BMPER: variants seen among roughly 807,000 people sequenced by gnomAD.
The protein encoded by BMPER is BMP-binding endothelial regulator protein.
A neutral mutation model predicts 87.3 loss-of-function variants in BMPER; 45 were observed. The ratio of observed to expected loss-of-function variants is 0.52; its 90% CI spans 0.41 to 0.66. The LOEUF (loss-of-function observed/expected upper bound fraction) is 0.66, where lower values mean the gene tolerates loss of function less well. BMPER is among the 30% of genes least tolerant of loss of function. The pLI, the probability that BMPER is intolerant of heterozygous loss-of-function variation, is 0.00. For synonymous variants in BMPER, 326 were observed against 316.2 expected, an observed-to-expected ratio of 1.03 and a Z score of -0.33; for missense variants, 784 against 867.5, an observed-to-expected ratio of 0.90 and a Z score of 1.21.
chr7:33,971,517 A>T (rs762349309), intron 5 of BMPER, among the ~76,000 whole-genome samples: 5 of 152,156 alleles, frequency 3.3e-5, no homozygotes, highest in Admixed American at 3.3e-4. Flanking sequence ...TATTTTTTCC[A>T]TTATCCAGTT....
chr7:33,947,001 T>C (rs1158151093), intron 3 of BMPER, among the ~76,000 whole-genome samples: 4 of 152,242 alleles, frequency 2.6e-5, no homozygotes, highest in African/African-American at 9.6e-5. Flanking sequence ...GAAAAGTAAG[T>C]AAATTATAAC....
intron 10 of BMPER, 80 bp from the exon 11 acceptor site, chr7:34,061,921 TA>T: frequency 5.0e-6 from 6 of 1,198,888 alleles, no homozygotes; most frequent in Non-Finnish European, 7.1e-6. Flanking sequence ...TATTAGATTT[TA>T]AAAAGATATT....
At chr7:34,096,667 T>G (rs375896370) in intron 13 of BMPER, among the ~76,000 whole-genome samples, 4 of 152,050 alleles carry the variant, frequency 2.6e-5, no homozygotes, top group African/African-American at 9.7e-5. Flanking sequence ...GGAGCAGTTG[T>G]GTAGCCGAGA....
chr7:34,085,397 G>C (rs767077565), intron 12 of BMPER, among the ~76,000 whole-genome samples: 29 of 151,960 alleles, frequency 1.9e-4, no homozygotes, highest in Non-Finnish European at 4.3e-4. Flanking sequence ...GTAGTCATTA[G>C]ATAAATGAAG....
intron 2 of BMPER, among the ~76,000 whole-genome samples, chr7:33,916,803 T>G (rs1784095854): frequency 6.6e-6 from 1 of 152,280 alleles, no homozygotes; most frequent in Non-Finnish European, 1.5e-5. Flanking sequence ...ACCTTGGGAC[T>G]TGAGTGGGAG....
intron 11 of BMPER, among the ~76,000 whole-genome samples, chr7:34,067,526 T>C (rs543892402): frequency 6.6e-6 from 1 of 152,182 alleles, no homozygotes; most frequent in East Asian, 1.9e-4. Flanking sequence ...CAACTCCAGG[T>C]CCCTTAACAC....
intron 6 of BMPER, among the ~76,000 whole-genome samples, chr7:34,043,257 A>G (rs1230968607): frequency 6.6e-6 from 1 of 152,208 alleles, no homozygotes; most frequent in Non-Finnish European, 1.5e-5. Context: ...AGTTCATTGC[A>G]GGGATCTGGC....
chr7:33,918,175 T>A (rs1406270583), intron 2 of BMPER, among the ~76,000 whole-genome samples: 1 of 152,148 alleles, frequency 6.6e-6, no homozygotes, highest in Non-Finnish European at 1.5e-5. Flanking sequence ...CCCTTTCTCC[T>A]TTTAAAAACC....
chr7:33,913,489 T>A (rs1784010851), intron 2 of BMPER, among the ~76,000 whole-genome samples: 1 of 152,126 alleles, frequency 6.6e-6, no homozygotes, highest in Non-Finnish European at 1.5e-5. Context: ...GCAGCGATGT[T>A]GTGTGGTCAG....
At chr7:33,909,969 C>T (rs1009802431) in intron 2 of BMPER, among the ~76,000 whole-genome samples, 5 of 152,144 alleles carry the variant, frequency 3.3e-5, no homozygotes, top group South Asian at 2.1e-4. Flanking sequence ...TCATCCTCTG[C>T]GTAGACCTGA....
At chr7:33,959,603 G>A (rs1785222419) in intron 3 of BMPER, among the ~76,000 whole-genome samples, 1 of 152,194 alleles carries the variant, frequency 6.6e-6, no homozygotes, top group Non-Finnish European at 1.5e-5. Context: ...TAAGTAGAGA[G>A]CAAATGCAAG....
intron 13 of BMPER, among the ~76,000 whole-genome samples, chr7:34,123,805 A>C (rs1224128320): frequency 4.6e-5 from 7 of 152,120 alleles, no homozygotes; most frequent in African/African-American, 1.7e-4. Flanking sequence ...TCATTTTTTC[A>C]TAATTTTCAG....
At position 34,153,715 on chromosome 7, in the gene BMPER, G is replaced by A. The variant is rs1489732133; in HGVS notation, c.*442G>A. On this transcript the variant is annotated 3_prime_UTR_variant, in exon 15 of 15. Coordinates refer to ENST00000649409, the MANE Select transcript of BMPER (RefSeq NM_001365308.1). The stretch of plus-strand genomic sequence containing the variant: ...GTGGGAAATGTGTTTCTCTGGAGAA[G>A]GGCACATTTATCTAGGGGCATTTCA... 2 of 194,214 alleles carry A rather than the reference G, an allele frequency of 1.0e-5. No homozygotes were observed. The highest frequency in any genetic ancestry group is 2.2e-5 in the Non-Finnish European group (2 of 92,776). The allele number at this position is 194,214 out of a possible 1,614,324, so 12.0% of individuals were successfully genotyped here.
chr7:33,909,106 A>G lies in BMPER; in HGVS notation c.219+2203A>G, dbSNP rs190041664. Among the ~76,000 whole-genome samples the G allele has an allele frequency of 4.1e-4, 62 of 152,224 alleles. 2 individuals are homozygous for G. The highest frequency in any genetic ancestry group is 1.3e-3 in the African/African-American group (54 of 41,538). On this transcript the variant is annotated intron_variant, in intron 2 of 14. Coordinates refer to ENST00000649409, the MANE Select transcript of BMPER (RefSeq NM_001365308.1). ...ATGTGTACTATTTTTATTTTATTTT[A>G]TTTTTGCTTGTAGGGCCTCATCTAA...
chr7:33,964,931 C>T (rs560339490), intron 3 of BMPER, among the ~76,000 whole-genome samples: 1 of 152,186 alleles, frequency 6.6e-6, no homozygotes, highest in Non-Finnish European at 1.5e-5. Flanking sequence ...TTCCCTGCCT[C>T]CATCTCTCGG....
chr7:34,105,307 G>A (rs978160421), intron 13 of BMPER, among the ~76,000 whole-genome samples: 1 of 152,228 alleles, frequency 6.6e-6, no homozygotes, highest in African/African-American at 2.4e-5. Context: ...GCAACAGGTT[G>A]TGAACATGCC....
chr7:34,060,634 G>A (rs955275460), intron 10 of BMPER, among the ~76,000 whole-genome samples: 1 of 152,188 alleles, frequency 6.6e-6, no homozygotes, highest in Non-Finnish European at 1.5e-5. Flanking sequence ...AATCCTTTAA[G>A]TCAATCTGAT....
At chr7:33,944,783 A>C (rs1329256535) in intron 3 of BMPER, among the ~76,000 whole-genome samples, 3 of 152,192 alleles carry the variant, frequency 2.0e-5, no homozygotes, top group Non-Finnish European at 4.4e-5. Flanking sequence ...ATTATGTGGA[A>C]TGTCATTTGA....
chr7:33,993,788 A>T (rs988996408), intron 6 of BMPER, among the ~76,000 whole-genome samples: 3 of 151,992 alleles, frequency 2.0e-5, no homozygotes, highest in African/African-American at 7.3e-5. Context: ...TGATGTACAG[A>T]TGGGTTTTTG....
Sources: allele counts gnomAD v4.1 joint callset (sites outside exome capture counted in the v4.1 genomes callset), GRCh38; gene constraint gnomAD v4.1.1; transcripts MANE v1.5; gene names NCBI Gene and HGNC (gene_info 2026-07-23, HGNC 2026-07-21).